PDE4B: variants seen among roughly 807,000 people sequenced by gnomAD.
PDE4B encodes the protein 3',5'-cyclic-AMP phosphodiesterase 4B.
In PDE4B, 20 loss-of-function variants were observed where a neutral mutation model predicts 82.2. The observed-to-expected ratio is 0.24, with a 90% confidence interval of 0.17 to 0.35. The LOEUF is 0.35. Among genes scored for constraint, PDE4B ranks in the 10% least tolerant of loss-of-function variants. PDE4B has a pLI of 1.00. For missense variants in PDE4B, 655 were observed against 907.2 expected (o/e 0.72, Z 3.57); for synonymous variants, 320 against 318.9 (o/e 1.00, Z -0.04).
intron 7 of PDE4B, among the ~76,000 whole-genome samples, chr1:66,295,503 A>T (rs980304184): frequency 1.3e-5 from 2 of 152,104 alleles, no homozygotes; most frequent in African/African-American, 4.8e-5. Context: ...ATCTCGGCTC[A>T]CTTCAACATC....
intron 7 of PDE4B, among the ~76,000 whole-genome samples, chr1:66,283,441 G>A (rs1474103672): frequency 7.2e-5 from 11 of 151,934 alleles, no homozygotes. Flanking sequence ...TTGCAACTGG[G>A]TCTTGTTTGC....
At chr1:66,037,582 T>C (rs1457242017) in intron 3 of PDE4B, among the ~76,000 whole-genome samples, 1 of 152,166 alleles carries the variant, frequency 6.6e-6, no homozygotes, top group Non-Finnish European at 1.5e-5. Context: ...TTTTACTTCA[T>C]CATTTCCTAT....
chr1:65,992,699 A>G, intron 3 of PDE4B: 1 of 1,310,076 alleles, frequency 7.6e-7, no homozygotes, highest in South Asian at 2.1e-5. Context: ...AGGCAAAGCC[A>G]GCCTGATAAA....
chr1:65,911,579 T>C (rs918039512), intron 1 of PDE4B, among the ~76,000 whole-genome samples: 2 of 152,120 alleles, frequency 1.3e-5, no homozygotes, highest in African/African-American at 4.8e-5. Context: ...ATAACCCTGA[T>C]AAAATATCTC....
intron 3 of PDE4B, among the ~76,000 whole-genome samples, chr1:66,066,247 C>T (rs1180353932): frequency 6.6e-6 from 1 of 151,658 alleles, no homozygotes; most frequent in African/African-American, 2.4e-5. Flanking sequence ...TTTTGTTGCA[C>T]TTAGTAATGA....
At chr1:66,181,490 G>A (rs1400054574) in intron 3 of PDE4B, among the ~76,000 whole-genome samples, 1 of 152,120 alleles carries the variant, frequency 6.6e-6, no homozygotes, top group African/African-American at 2.4e-5. Context: ...GTTAGCTAAT[G>A]GGATAACATA....
intron 8 of PDE4B, among the ~76,000 whole-genome samples, chr1:66,343,519 A>G (rs959491787): frequency 2.0e-5 from 3 of 152,204 alleles, no homozygotes; most frequent in African/African-American, 7.2e-5. Context: ...AATTAATACC[A>G]TAGCTAACAT....
At chr1:65,880,347 G>A (rs1444306311) in intron 1 of PDE4B, among the ~76,000 whole-genome samples, 1 of 152,184 alleles carries the variant, frequency 6.6e-6, no homozygotes, top group Non-Finnish European at 1.5e-5. Flanking sequence ...GCTTATGCTG[G>A]TCATGCTGCT....
At chr1:66,311,510 G>A (rs1658665460) in intron 7 of PDE4B, among the ~76,000 whole-genome samples, 1 of 152,226 alleles carries the variant, frequency 6.6e-6, no homozygotes, top group Non-Finnish European at 1.5e-5. Context: ...CTTTCAATAT[G>A]TTTACTATGC....
intron 3 of PDE4B, among the ~76,000 whole-genome samples, chr1:66,074,971 G>A (rs72641141): frequency 0.048 from 7,266 of 151,974 alleles, 527 homozygotes; most frequent in East Asian, 0.36. Flanking sequence ...GGGTCTTAGC[G>A]CAGGAGGGTT....
At chr1:66,003,965 C>T (rs1004243991) in intron 3 of PDE4B, among the ~76,000 whole-genome samples, 2 of 152,084 alleles carry the variant, frequency 1.3e-5, no homozygotes, top group Non-Finnish European at 2.9e-5. Context: ...TTTATCAAAA[C>T]GACATAGAGA....
At chr1:66,189,737 AT>A (rs554665485) in intron 3 of PDE4B, among the ~76,000 whole-genome samples, 146 of 151,174 alleles carry the variant, frequency 9.7e-4, no homozygotes, top group Non-Finnish European at 1.5e-3. Flanking sequence ...CATTCATCTA[AT>A]TTTTTTTTCA....
At position 66,373,736 on chromosome 1, in the gene PDE4B, T is replaced by G. The variant is rs1487549369; in HGVS notation, c.*1058T>G. ...TGCCAATGGTGGTGTTAAATTTGTG[T>G]AGAAAACTCTGCCTAAGAGTTACGA... On this transcript the variant is annotated 3_prime_UTR_variant, in exon 17 of 17. Transcript: ENST00000341517. 1 of 152,654 alleles carries G rather than the reference T, an allele frequency of 6.6e-6. No individual in the cohort carries two copies. The highest frequency in any genetic ancestry group is 1.5e-5 in the Non-Finnish European group (1 of 68,046). The allele number at this position is 152,654 out of a possible 1,614,324, so 9.5% of individuals were successfully genotyped here.
rs138678557 is a variant in PDE4B, at chr1:66,287,890, C to T, written c.634+21803C>T. Among the ~76,000 whole-genome samples the T allele has an allele frequency of 5.2e-3, 787 of 152,118 alleles. 5 individuals are homozygous for T. The highest frequency in any genetic ancestry group is 0.018 in the African/African-American group (745 of 41,494). On this transcript the variant is annotated intron_variant, in intron 7 of 16. Coordinates refer to ENST00000341517, the MANE Select transcript of PDE4B (RefSeq NM_002600.4). ...TTGGGAGGCTGAGGCAGGAGGATGA[C>T]TTGAGTCCAGGAGTTGGAGATGGCA...
chr1:66,059,380 AG>A (rs1283167265), intron 3 of PDE4B, among the ~76,000 whole-genome samples: 22 of 152,270 alleles, frequency 1.4e-4, no homozygotes, highest in Admixed American at 1.4e-3. Flanking sequence ...CCACATTTTC[AG>A]GTATCTTTTC....
intron 8 of PDE4B, among the ~76,000 whole-genome samples, chr1:66,353,116 G>A (rs1220146646): frequency 6.6e-6 from 1 of 152,202 alleles, no homozygotes; most frequent in Non-Finnish European, 1.5e-5. Context: ...TTGTGACTGA[G>A]CAGTTGTGTC....
intron 3 of PDE4B, among the ~76,000 whole-genome samples, chr1:66,106,010 C>T (rs1416574213): frequency 1.3e-5 from 2 of 152,108 alleles, no homozygotes; most frequent in African/African-American, 2.4e-5. Context: ...GCATCCCTGT[C>T]TTGTGCCAGT....
chr1:65,884,101 T>C (rs576253608), intron 1 of PDE4B, among the ~76,000 whole-genome samples: 15 of 152,268 alleles, frequency 9.9e-5, no homozygotes, highest in African/African-American at 3.6e-4. Context: ...TCATCAAGGA[T>C]ATTGGTCTAA....
chr1:66,246,779 C>G (rs1570549620), intron 3 of PDE4B, among the ~76,000 whole-genome samples: 1 of 152,154 alleles, frequency 6.6e-6, no homozygotes, highest in Admixed American at 6.5e-5. Flanking sequence ...TCTGTGGGAG[C>G]CAGTGAATGC....
Sources: allele counts gnomAD v4.1 joint callset (sites outside exome capture counted in the v4.1 genomes callset), GRCh38; gene constraint gnomAD v4.1.1; transcripts MANE v1.5; gene names NCBI Gene and HGNC (gene_info 2026-07-23, HGNC 2026-07-21).